The following SV2C variants were observed in gnomAD, a reference collection of about 807,000 sequenced individuals.
SV2C encodes synaptic vesicle glycoprotein 2C, also known as solute carrier family 22 member B3.
A neutral mutation model predicts 79.7 loss-of-function variants in SV2C; 49 were observed. That is an observed-to-expected ratio of 0.61 (90% CI 0.49 to 0.78). The LOEUF (loss-of-function observed/expected upper bound fraction) is 0.78. Ranked by LOEUF, SV2C falls within the 30% of genes least tolerant of loss-of-function variation. The probability of loss-of-function intolerance (pLI) is 0.00; values close to 1 mark genes in which losing one functional copy is unlikely to be tolerated. For missense variants in SV2C, 833 were observed against 912.9 expected, an observed-to-expected ratio of 0.91 and a Z score of 1.13; for synonymous variants, 334 against 333.2, an observed-to-expected ratio of 1.00 and a Z score of -0.03.
the SV2C span, among the ~76,000 whole-genome samples, chr5:76,056,504 C>T: frequency 6.6e-6 from 1 of 151,900 alleles, no homozygotes; most frequent in Admixed American, 6.6e-5. Flanking sequence ...ATGCTGGCCT[C>T]ATAAATGAGT....
At chr5:76,156,037 T>C (rs1292966613) in intron 2 of SV2C, among the ~76,000 whole-genome samples, 2 of 151,156 alleles carry the variant, frequency 1.3e-5, no homozygotes, top group East Asian at 3.9e-4. Context: ...GATTAAGTTG[T>C]AGGCCAGCTA....
the SV2C span, among the ~76,000 whole-genome samples, chr5:75,886,400 G>A: frequency 6.6e-6 from 1 of 152,270 alleles, no homozygotes; most frequent in East Asian, 1.9e-4. Flanking sequence ...AGCCACCAGA[G>A]GAGGCCAGAG....
At chr5:76,115,208 G>A (rs749575555) in intron 1 of SV2C, among the ~76,000 whole-genome samples, 1 of 152,216 alleles carries the variant, frequency 6.6e-6, no homozygotes, top group African/African-American at 2.4e-5. Flanking sequence ...TGGATGGCGT[G>A]ACTGCTTTTA....
At chr5:76,146,447 T>G (rs1006539740) in intron 2 of SV2C, among the ~76,000 whole-genome samples, 1 of 152,208 alleles carries the variant, frequency 6.6e-6, no homozygotes, top group Non-Finnish European at 1.5e-5. Context: ...GGAAACTTCC[T>G]GACATTGCCA....
At chr5:76,009,782 G>A in the SV2C span, among the ~76,000 whole-genome samples, 1 of 152,060 alleles carries the variant, frequency 6.6e-6, no homozygotes, top group Non-Finnish European at 1.5e-5. Context: ...GTGGGCAAGG[G>A]TTGAAAAACT....
chr5:76,326,088 CAG>C lies in SV2C; in HGVS notation c.*542_*543del, dbSNP rs1161665411. 6.6e-6 allele frequency: 1 copy of C among 151,888 alleles called. No homozygotes were observed. The highest frequency in any genetic ancestry group is 1.9e-4 in the East Asian group (1 of 5,192). The allele number at this position is 151,888 out of a possible 1,614,324, so 9.4% of individuals were successfully genotyped here. On this transcript the variant is annotated 3_prime_UTR_variant, in exon 13 of 13. Coordinates refer to ENST00000502798, the MANE Select transcript of SV2C (RefSeq NM_014979.4). ...TCAAAGAAAACCATGTGGCACCAAACAGGGCTGGGTGGGGCTCTTTGGGGCAA... is the reference window on the plus strand; with the variant it reads ...TCAAAGAAAACCATGTGGCACCAAACGGCTGGGTGGGGCTCTTTGGGGCAA...
chr5:75,911,893 C>T, the SV2C span: 1 of 514,266 alleles, frequency 1.9e-6, no homozygotes, highest in South Asian at 1.5e-5. Context: ...CAAGACTCCT[C>T]TCACCCCACA....
downstream of SV2C, among the ~76,000 whole-genome samples, chr5:76,337,506 T>C (rs1274880673): frequency 6.6e-6 from 1 of 152,200 alleles, no homozygotes; most frequent in Non-Finnish European, 1.5e-5. Context: ...TTGTCCCAAA[T>C]ACTACCTATT....
At chr5:76,104,757 C>G (rs1274111881) in intron 1 of SV2C, among the ~76,000 whole-genome samples, 2 of 152,146 alleles carry the variant, frequency 1.3e-5, no homozygotes, top group Non-Finnish European at 2.9e-5. Flanking sequence ...ATAGGAGACA[C>G]TAGAGGGAGA....
chr5:76,147,304 A>C (rs1749467523), intron 2 of SV2C, among the ~76,000 whole-genome samples: 2 of 130,760 alleles, frequency 1.5e-5, no homozygotes, highest in African/African-American at 5.1e-5. Flanking sequence ...ACTCAGAGAT[A>C]GGGAGGGCTC....
the SV2C span, among the ~76,000 whole-genome samples, chr5:76,073,961 C>A: frequency 1.1e-3 from 162 of 152,084 alleles, no homozygotes; most frequent in Non-Finnish European, 1.7e-3. Flanking sequence ...TGGGGTATGC[C>A]AATTAGCCCA....
the SV2C span, among the ~76,000 whole-genome samples, chr5:76,025,561 TA>T: frequency 6.6e-6 from 1 of 152,208 alleles, no homozygotes; most frequent in Non-Finnish European, 1.5e-5. Context: ...TCACATGTGC[TA>T]AAAGTATATG....
At chr5:76,246,725 G>T (rs1482726655) in intron 4 of SV2C, among the ~76,000 whole-genome samples, 1 of 152,150 alleles carries the variant, frequency 6.6e-6, no homozygotes, top group African/African-American at 2.4e-5. Context: ...GCCCAGCAAA[G>T]CAAGACATAG....
the SV2C span, among the ~76,000 whole-genome samples, chr5:76,033,736 T>C: frequency 2.6e-5 from 4 of 152,182 alleles, no homozygotes; most frequent in African/African-American, 7.2e-5. Flanking sequence ...TGAGGGCTCT[T>C]TTTTGGTTCC....
At chr5:76,052,384 G>A in the SV2C span, among the ~76,000 whole-genome samples, 1 of 152,158 alleles carries the variant, frequency 6.6e-6, no homozygotes, top group Non-Finnish European at 1.5e-5. Flanking sequence ...TTCATGATGG[G>A]CAGGCTATAA....
At chr5:75,984,096 C>A in the SV2C span, among the ~76,000 whole-genome samples, 117 of 152,080 alleles carry the variant, frequency 7.7e-4, no homozygotes, top group African/African-American at 2.7e-3. Flanking sequence ...TGATCGAACC[C>A]CTCCTAAACT....
the SV2C span, among the ~76,000 whole-genome samples, chr5:75,962,222 G>A: frequency 5.9e-5 from 9 of 152,108 alleles, no homozygotes; most frequent in Non-Finnish European, 8.8e-5. Flanking sequence ...ACACCCATGT[G>A]TTCTTCAGTA....
At chr5:76,181,770 A>G (rs1023997472) in intron 2 of SV2C, among the ~76,000 whole-genome samples, 11 of 152,176 alleles carry the variant, frequency 7.2e-5, no homozygotes, top group African/African-American at 2.7e-4. Flanking sequence ...TCAACTTGAG[A>G]TTTGGGTGGG....
intron 2 of SV2C, among the ~76,000 whole-genome samples, chr5:76,149,495 A>G (rs1749535548): frequency 6.6e-6 from 1 of 152,192 alleles, no homozygotes; most frequent in Non-Finnish European, 1.5e-5. Context: ...TGAGCCTCCC[A>G]GCCAAGAAGC....
Sources: allele counts gnomAD v4.1 joint callset (sites outside exome capture counted in the v4.1 genomes callset), GRCh38; gene constraint gnomAD v4.1.1; transcripts MANE v1.5; gene names NCBI Gene and HGNC (gene_info 2026-07-23, HGNC 2026-07-21).